PPP2R5A: variants seen among roughly 807,000 people sequenced by gnomAD.
PPP2R5A encodes serine/threonine-protein phosphatase 2A 56 kDa regulatory subunit alpha isoform.
Under a neutral mutation model 64.2 loss-of-function variants are expected in PPP2R5A, and 25 were observed. The ratio of observed to expected loss-of-function variants is 0.39; its 90% confidence interval spans 0.28 to 0.54. The LOEUF is 0.54. PPP2R5A is among the 20% of genes least tolerant of loss of function. The pLI, the probability that PPP2R5A is intolerant of heterozygous loss-of-function variation, is 0.67. For synonymous variants in PPP2R5A, 198 were observed against 201.2 expected, an observed-to-expected ratio of 0.98 and a Z score of 0.13; for missense variants, 425 against 576.3, an observed-to-expected ratio of 0.74 and a Z score of 2.69.
At chr1:212,334,878 T>C (rs1254781615) in intron 3 of PPP2R5A, among the ~76,000 whole-genome samples, 1 of 152,078 alleles carries the variant, frequency 6.6e-6, no homozygotes, top group Non-Finnish European at 1.5e-5. Flanking sequence ...TTCTTGACTT[T>C]ATTCTACCTG....
intron 9 of PPP2R5A, 66 bp from the exon 10 acceptor site, chr1:212,356,884 G>T: frequency 7.2e-7 from 1 of 1,383,354 alleles, no homozygotes. Flanking sequence ...CTTCTCATTT[G>T]TATGGTTTCT....
At chr1:212,286,858 T>A (rs1345362003) in intron 1 of PPP2R5A, among the ~76,000 whole-genome samples, 1 of 152,216 alleles carries the variant, frequency 6.6e-6, no homozygotes, top group African/African-American at 2.4e-5. Context: ...TTGGATGTAT[T>A]TATAAAGAAA....
intron 1 of PPP2R5A, among the ~76,000 whole-genome samples, chr1:212,300,044 C>T (rs1368172485): frequency 6.6e-6 from 1 of 152,132 alleles, no homozygotes; most frequent in Non-Finnish European, 1.5e-5. Flanking sequence ...GAACCCTTGA[C>T]CTCAAGTGAT....
intron 1 of PPP2R5A, among the ~76,000 whole-genome samples, chr1:212,312,150 C>A (rs1456573750): frequency 1.6e-4 from 24 of 152,194 alleles, no homozygotes; most frequent in Admixed American, 1.6e-3. Flanking sequence ...GATACACTTA[C>A]AGTTGCCTAT....
At chr1:212,311,309 A>G (rs1255609333) in intron 1 of PPP2R5A, among the ~76,000 whole-genome samples, 1 of 152,138 alleles carries the variant, frequency 6.6e-6, no homozygotes, top group Non-Finnish European at 1.5e-5. Context: ...TCTACTAAAA[A>G]TACGAAAAAT....
chr1:212,318,507 A>C (rs929508806), intron 1 of PPP2R5A, among the ~76,000 whole-genome samples: 8 of 152,226 alleles, frequency 5.3e-5, no homozygotes, highest in African/African-American at 1.9e-4. Flanking sequence ...TATTACATAT[A>C]TTAAGTGCAT....
chr1:212,322,070 C>T lies in PPP2R5A; in HGVS notation c.182-7065C>T, dbSNP rs370158381. 8.9e-4 allele frequency among the ~76,000 whole-genome samples: 135 copies of T among 151,090 alleles called. 1 individual carries two copies. The East Asian group carries it at 0.015, about 17-fold the overall frequency. On this transcript the variant is annotated intron_variant, in intron 1 of 12. Transcript: ENST00000261461. ...AGGCGTGGCGGCGCGCGCCTGCAAT[C>T]GCAGGCACTCGGCAGGCTGAGGCAG...
At chr1:212,304,583 A>T (rs1256753280) in intron 1 of PPP2R5A, among the ~76,000 whole-genome samples, 1 of 151,950 alleles carries the variant, frequency 6.6e-6, no homozygotes, top group Non-Finnish European at 1.5e-5. Flanking sequence ...GGGTCTCGCT[A>T]TGTTGCCCAG....
chr1:212,351,092 C>T (rs1294022757), intron 8 of PPP2R5A, among the ~76,000 whole-genome samples: 10 of 141,696 alleles, frequency 7.1e-5, no homozygotes, highest in Admixed American at 7.0e-4. Context: ...TACAGTGAGC[C>T]GAGATGACAC....
At chr1:212,297,825 C>CTTTTTTTTTTTTTTTTTTTTTTT (rs1368421837) in intron 1 of PPP2R5A, 1 of 22,120 alleles carries the variant, frequency 4.5e-5, no homozygotes, top group Non-Finnish European at 7.6e-5. Context: ...TTTTTTTTTT[C>CTTTTTTTTTTTTTTTTTTTTTTT]TTTTTTATTT....
intron 1 of PPP2R5A, among the ~76,000 whole-genome samples, chr1:212,290,714 A>C (rs1658585624): frequency 6.6e-6 from 1 of 152,130 alleles, no homozygotes; most frequent in Admixed American, 6.5e-5. Context: ...TATTTTATGA[A>C]GTGTCTAACT....
At chr1:212,316,445 C>T (rs1659154077) in intron 1 of PPP2R5A, among the ~76,000 whole-genome samples, 1 of 152,146 alleles carries the variant, frequency 6.6e-6, no homozygotes, top group African/African-American at 2.4e-5. Flanking sequence ...AAATGCCCTT[C>T]CTGAACCTCT....
At chr1:212,328,227 G>T (rs1659440250) in intron 1 of PPP2R5A, among the ~76,000 whole-genome samples, 1 of 152,112 alleles carries the variant, frequency 6.6e-6, no homozygotes, top group Non-Finnish European at 1.5e-5. Context: ...GGTAAAAGTG[G>T]ATAAACCAAC....
rs529484234 is a variant in PPP2R5A, at chr1:212,290,048, G to C, written c.181+3757G>C. ...GAGACAGCCGGGAAATAAATAGCAAGATAGGCTGAAACTGGCTTTGAGATT... is the reference window on the plus strand; with the variant it reads ...GAGACAGCCGGGAAATAAATAGCAACATAGGCTGAAACTGGCTTTGAGATT... On this transcript the variant is annotated intron_variant, in intron 1 of 12. Coordinates refer to ENST00000261461, the MANE Select transcript of PPP2R5A (RefSeq NM_006243.4). 4.4e-4 allele frequency among the ~76,000 whole-genome samples: 67 copies of C among 152,312 alleles called. 1 individual carries two copies. Among genetic ancestry groups the C allele is most frequent in the African/African-American group, 1.5e-3 (64 of 41,572 alleles).
intron 3 of PPP2R5A, among the ~76,000 whole-genome samples, chr1:212,338,922 GGTAAA>G (rs1021743703): frequency 2.0e-5 from 3 of 152,040 alleles, no homozygotes; most frequent in Admixed American, 1.3e-4. Context: ...AAACATTGAG[GGTAAA>G]GTAATGAACT....
At chr1:212,355,761 T>C (rs568229346) in intron 8 of PPP2R5A, among the ~76,000 whole-genome samples, 35 of 152,308 alleles carry the variant, frequency 2.3e-4, no homozygotes, top group Admixed American at 1.8e-3. Flanking sequence ...AGCATTCTTC[T>C]ATTGTGATTC....
rs2084010 is a variant in PPP2R5A, at chr1:212,320,933, G to T, written c.182-8202G>T. On this transcript the variant is annotated intron_variant, in intron 1 of 12. Transcript: ENST00000261461. ...TCCCGGACGGGGCGGCTGGCCGGGC[G>T]GGGGGCTGACCCCCCCGCCTCCCTC... Among the ~76,000 whole-genome samples, 220 of 106,724 alleles carry T rather than the reference G, an allele frequency of 2.1e-3. 2 individuals carry two copies. The highest frequency in any genetic ancestry group is 7.4e-3 in the African/African-American group (202 of 27,394). The allele number at this position is 106,724 out of a possible 152,430, so 70.0% of individuals were successfully genotyped here.
chr1:212,286,021 G>A lies in PPP2R5A; in HGVS notation c.-90G>A. On this transcript the variant is annotated 5_prime_UTR_variant, in exon 1 of 13. Transcript: ENST00000261461. Reference sequence around the variant, plus strand: ...CGGGGCGCAGGGGCGCGAGCACCCCGCGCCTCTCCCCCGCCTCCTCCTGCC... The same window carrying A: ...CGGGGCGCAGGGGCGCGAGCACCCCACGCCTCTCCCCCGCCTCCTCCTGCC... 7.4e-7 allele frequency: 1 copy of A among 1,343,140 alleles called. No individual in the cohort carries two copies. The highest frequency in any genetic ancestry group is 9.6e-7 in the Non-Finnish European group (1 of 1,040,314). The allele number at this position is 1,343,140 out of a possible 1,614,324, so 83.2% of individuals were successfully genotyped here. A position where few individuals can be genotyped will look rare whatever the true frequency, so the allele number is the denominator to read the frequency against.
chr1:212,349,678 T>C (rs1348106014), intron 8 of PPP2R5A, among the ~76,000 whole-genome samples: 2 of 152,290 alleles, frequency 1.3e-5, no homozygotes, highest in Admixed American at 1.3e-4. Flanking sequence ...TTGATAGGGA[T>C]AGAAAACATT....
Sources: allele counts gnomAD v4.1 joint callset (sites outside exome capture counted in the v4.1 genomes callset), GRCh38; gene constraint gnomAD v4.1.1; transcripts MANE v1.5; gene names NCBI Gene and HGNC (gene_info 2026-07-23, HGNC 2026-07-21).